PTPRR: variants seen among roughly 807,000 people sequenced by gnomAD.
PTPRR encodes the protein receptor-type tyrosine-protein phosphatase R.
In PTPRR, 38 loss-of-function variants were observed where a neutral mutation model predicts 77.2. The observed-to-expected ratio is 0.49, with a 90% CI of 0.38 to 0.65. PTPRR has a LOEUF of 0.65. Ranked by LOEUF, PTPRR falls within the 30% of genes least tolerant of loss-of-function variation. PTPRR has a pLI of 0.00. For missense variants in PTPRR, 744 were observed against 799.2 expected (o/e 0.93, Z 0.83); for synonymous variants, 299 against 283.1 (o/e 1.06, Z -0.57).
intron 2 of PTPRR, among the ~76,000 whole-genome samples, chr12:70,862,874 A>G (rs1170643627): frequency 6.6e-6 from 1 of 152,156 alleles, no homozygotes; most frequent in East Asian, 1.9e-4. Flanking sequence ...ATTTTTCAAA[A>G]AAGAAAGAAA....
intron 6 of PTPRR, among the ~76,000 whole-genome samples, chr12:70,723,239 T>G (rs993270758): frequency 6.6e-6 from 1 of 152,068 alleles, no homozygotes; most frequent in African/African-American, 2.4e-5. Context: ...GTAACAAGAA[T>G]AAACTACAGA....
chr12:70,769,457 C>T lies in PTPRR; in HGVS notation c.358-4679G>A, dbSNP rs868783991. Among the ~76,000 whole-genome samples, 57 of 152,120 alleles carry T rather than the reference C, an allele frequency of 3.7e-4. No homozygotes were observed. In the South Asian group the frequency reaches 8.9e-3, roughly 24 times the overall value. The stretch of plus-strand genomic sequence containing the variant: ...ACTTAGGAATCCAACTTACAAGGGA[C>T]GTGAAGGACTTCTTCAAGGAGAACT... On this transcript the variant is annotated intron_variant, in intron 2 of 13. Transcript: ENST00000283228.
At chr12:70,807,134 G>A (rs1388724701) in intron 2 of PTPRR, among the ~76,000 whole-genome samples, 1 of 152,172 alleles carries the variant, frequency 6.6e-6, no homozygotes, top group Non-Finnish European at 1.5e-5. Flanking sequence ...ATGATGCTTA[G>A]AGATGTGCAG....
chr12:70,903,933 CTT>C (rs961796741), intron 1 of PTPRR, among the ~76,000 whole-genome samples: 11 of 151,856 alleles, frequency 7.2e-5, no homozygotes, highest in African/African-American at 2.7e-4. Context: ...TGAACAAACA[CTT>C]TATTAAAGAG....
chr12:70,649,644 C>T lies in PTPRR; in HGVS notation c.1880+7060G>A, dbSNP rs1220097720. ...AGCCTGGAGTGCAGTGGCGTGAAGTCGGCTCACCACAACTCTGCCTCCTGG... is the reference window on the plus strand; with the variant it reads ...AGCCTGGAGTGCAGTGGCGTGAAGTTGGCTCACCACAACTCTGCCTCCTGG... On this transcript the variant is annotated intron_variant, in intron 13 of 13. Coordinates refer to ENST00000283228, the MANE Select transcript of PTPRR (RefSeq NM_002849.4). 3.9e-5 allele frequency among the ~76,000 whole-genome samples: 6 copies of T among 152,140 alleles called. No homozygotes were observed. The East Asian group carries it at 5.8e-4, about 15-fold the overall frequency.
chr12:70,726,135 C>T (rs1889427461), intron 6 of PTPRR, among the ~76,000 whole-genome samples: 3 of 150,726 alleles, frequency 2.0e-5, no homozygotes, highest in Non-Finnish European at 4.4e-5. Flanking sequence ...TTTTGCAAAA[C>T]ATTTTACATT....
chr12:70,645,773 G>A (rs1439319138), intron 13 of PTPRR, among the ~76,000 whole-genome samples: 2 of 151,952 alleles, frequency 1.3e-5, no homozygotes, highest in African/African-American at 4.8e-5. Flanking sequence ...CTCAGTCTCC[G>A]TGCAGAACAG....
At chr12:70,748,861 A>T (rs1890296736) in intron 5 of PTPRR, among the ~76,000 whole-genome samples, 1 of 152,184 alleles carries the variant, frequency 6.6e-6, no homozygotes, top group Non-Finnish European at 1.5e-5. Flanking sequence ...TCCTGAGTCA[A>T]TCCCTACTAC....
chr12:70,797,884 CTCTT>C (rs1565700644), intron 2 of PTPRR, among the ~76,000 whole-genome samples: 1 of 152,118 alleles, frequency 6.6e-6, no homozygotes, highest in East Asian at 1.9e-4. Context: ...TCTATTTCTA[CTCTT>C]TCTATTTTTT....
intron 2 of PTPRR, among the ~76,000 whole-genome samples, chr12:70,765,888 T>A (rs868514121): frequency 1.3e-5 from 2 of 152,182 alleles, no homozygotes; most frequent in African/African-American, 2.4e-5. Context: ...ACCGCTGCTA[T>A]TACCCAAGAA....
At chr12:70,903,404 A>C (rs1031342723) in intron 1 of PTPRR, among the ~76,000 whole-genome samples, 17 of 151,852 alleles carry the variant, frequency 1.1e-4, no homozygotes, top group African/African-American at 4.1e-4. Context: ...TGTAAATCAA[A>C]AATAAAATAA....
At chr12:70,836,302 A>C (rs1237053857) in intron 2 of PTPRR, among the ~76,000 whole-genome samples, 1 of 138,440 alleles carries the variant, frequency 7.2e-6, no homozygotes, top group East Asian at 2.2e-4. Context: ...ATCTCAAGAC[A>C]TGTGTTTTTT....
At chr12:70,761,324 G>T in intron 4 of PTPRR, 147 bp downstream of exon 4, 1 of 702,194 alleles carries the variant, frequency 1.4e-6, no homozygotes, top group Non-Finnish European at 2.2e-6. Flanking sequence ...ACAATGTAAA[G>T]ATCAGAGAAT....
At chr12:70,680,068 T>C (rs1887599019) in intron 10 of PTPRR, among the ~76,000 whole-genome samples, 1 of 152,236 alleles carries the variant, frequency 6.6e-6, no homozygotes, top group Admixed American at 6.5e-5. Flanking sequence ...TTTTTTTCTT[T>C]GTGGTTATTC....
At chr12:70,648,516 A>G (rs1555244773) in intron 13 of PTPRR, among the ~76,000 whole-genome samples, 1 of 152,208 alleles carries the variant, frequency 6.6e-6, no homozygotes. Context: ...GTGGAGGTCC[A>G]TGAAATATCT....
At chr12:70,892,001 G>A (rs2137116558) in intron 2 of PTPRR, among the ~76,000 whole-genome samples, 1 of 152,142 alleles carries the variant, frequency 6.6e-6, no homozygotes, top group Middle Eastern at 3.4e-3. Context: ...CAAATAGGGT[G>A]TCAACCTCAG....
chr12:70,871,345 A>C (rs1266762363), intron 2 of PTPRR, among the ~76,000 whole-genome samples: 1 of 151,884 alleles, frequency 6.6e-6, no homozygotes, highest in African/African-American at 2.4e-5. Context: ...CCTTGCTCCC[A>C]CTCCTACATC....
At chr12:70,820,838 C>T (rs1891994616) in intron 2 of PTPRR, among the ~76,000 whole-genome samples, 1 of 152,188 alleles carries the variant, frequency 6.6e-6, no homozygotes, top group African/African-American at 2.4e-5. Context: ...AAGAATCACA[C>T]CACTCCACTT....
intron 10 of PTPRR, among the ~76,000 whole-genome samples, chr12:70,676,119 AC>A (rs1310828645): frequency 6.6e-6 from 1 of 151,598 alleles, no homozygotes; most frequent in Non-Finnish European, 1.5e-5. Flanking sequence ...TCCTTCTAAA[AC>A]ACCTGTTATG....
Sources: gnomAD v4.1 joint callset for allele counts (sites outside exome capture counted in the v4.1 genomes callset) on GRCh38, gnomAD v4.1.1 for gene constraint, MANE v1.5 for transcripts, NCBI Gene and HGNC (gene_info 2026-07-23, HGNC 2026-07-21) for gene names.